CREB5: variants seen among roughly 807,000 people sequenced by gnomAD.
CREB5 encodes the protein cAMP responsive element binding protein 5.
Under a neutral mutation model 57.1 loss-of-function variants are expected in CREB5, and 19 were observed. The ratio of observed to expected loss-of-function variants is 0.33; its 90% CI spans 0.23 to 0.49. CREB5 has a LOEUF of 0.49. CREB5 is among the 20% of genes least tolerant of loss of function. The pLI, the probability that CREB5 is intolerant of heterozygous loss-of-function variation, is 0.99. For missense variants in CREB5, 579 were observed against 671.6 expected, an observed-to-expected ratio of 0.86 and a Z score of 1.52; for synonymous variants, 238 against 238.3, an observed-to-expected ratio of 1.00 and a Z score of 0.01.
chr7:28,500,896 A>ATCCCACCTTAATTAATTAAAG (rs1204648626), intron 3 of CREB5, among the ~76,000 whole-genome samples: 2 of 152,124 alleles, frequency 1.3e-5, no homozygotes, highest in Non-Finnish European at 2.9e-5. Context: ...AAAGGTATAT[A>ATCCCACCTTAATTAATTAAAG]GTAACTTCCC....
intron 1 of CREB5, among the ~76,000 whole-genome samples, chr7:28,427,865 A>G (rs2128014765): frequency 6.6e-6 from 1 of 152,340 alleles, no homozygotes; most frequent in Admixed American, 6.5e-5. Flanking sequence ...TGCATCACTA[A>G]AGGTGGATCT....
chr7:28,305,414 T>C (rs1046583650), intron 1 of CREB5, among the ~76,000 whole-genome samples: 1 of 152,186 alleles, frequency 6.6e-6, no homozygotes, highest in Non-Finnish European at 1.5e-5. Flanking sequence ...ACTGTTTCCT[T>C]CGACATCAGT....
intron 1 of CREB5, among the ~76,000 whole-genome samples, chr7:28,395,706 C>T (rs1203006442): frequency 6.6e-6 from 1 of 152,150 alleles, no homozygotes; most frequent in Non-Finnish European, 1.5e-5. Flanking sequence ...CCTTTTTACC[C>T]TGGTGGGGCC....
At chr7:28,453,919 CCAAA>C (rs1789961217) in intron 1 of CREB5, among the ~76,000 whole-genome samples, 1 of 149,248 alleles carries the variant, frequency 6.7e-6, no homozygotes, top group South Asian at 2.1e-4. Flanking sequence ...AGGCTCTGGT[CCAAA>C]CAAATTCCTA....
chr7:28,339,707 G>T (rs1036373813), intron 1 of CREB5, among the ~76,000 whole-genome samples: 3 of 152,190 alleles, frequency 2.0e-5, no homozygotes, highest in Non-Finnish European at 4.4e-5. Flanking sequence ...ACAGGCTTGT[G>T]TACTTCCCTT....
chr7:28,505,482 A>C (rs1218772426), intron 3 of CREB5, among the ~76,000 whole-genome samples: 1 of 152,166 alleles, frequency 6.6e-6, no homozygotes, highest in African/African-American at 2.4e-5. Context: ...CAACTTTAGA[A>C]ATTTTTTTGA....
chr7:28,807,428 G>A (rs780670292), intron 8 of CREB5, among the ~76,000 whole-genome samples: 1 of 152,186 alleles, frequency 6.6e-6, no homozygotes, highest in Admixed American at 6.5e-5. Context: ...CAGGCTGGGC[G>A]ACAGAGAGAG....
At chr7:28,374,892 A>G (rs895458186) in intron 1 of CREB5, among the ~76,000 whole-genome samples, 1 of 152,176 alleles carries the variant, frequency 6.6e-6, no homozygotes, top group South Asian at 2.1e-4. Context: ...GCACAATAAC[A>G]GAGAGCTCTT....
chr7:28,512,149 G>T (rs1191237188), intron 4 of CREB5, among the ~76,000 whole-genome samples: 5 of 152,184 alleles, frequency 3.3e-5, no homozygotes, highest in Admixed American at 3.3e-4. Flanking sequence ...TTTCTTTTTA[G>T]ATTTGCTAAG....
intron 7 of CREB5, among the ~76,000 whole-genome samples, chr7:28,786,368 T>G (rs1807326950): frequency 6.6e-6 from 1 of 152,150 alleles, no homozygotes; most frequent in African/African-American, 2.4e-5. Context: ...TGCCTCAGCC[T>G]CCCAAGTAGC....
intron 1 of CREB5, among the ~76,000 whole-genome samples, chr7:28,421,962 A>AT (rs1009444619): frequency 3.8e-4 from 1 of 2,646 alleles, no homozygotes; most frequent in Non-Finnish European, 2.5e-3. Context: ...GAGATCAACG[A>AT]AAAAGTCAGG....
At chr7:28,655,565 C>T (rs1339224609) in intron 5 of CREB5, among the ~76,000 whole-genome samples, 1 of 152,096 alleles carries the variant, frequency 6.6e-6, no homozygotes, top group African/African-American at 2.4e-5. Flanking sequence ...CTGTGAGCTG[C>T]GTTCATGCCA....
intron 1 of CREB5, among the ~76,000 whole-genome samples, chr7:28,400,348 A>T (rs1787432633): frequency 6.6e-6 from 1 of 152,244 alleles, no homozygotes; most frequent in Non-Finnish European, 1.5e-5. Flanking sequence ...AGGATTAAAC[A>T]TGATGGAAGA....
chr7:28,312,216 G>A (rs1054387771), intron 1 of CREB5, among the ~76,000 whole-genome samples: 1 of 150,958 alleles, frequency 6.6e-6, no homozygotes, highest in African/African-American at 2.4e-5. Flanking sequence ...TGGAATTTTA[G>A]CTAGCAGTGC....
chr7:28,736,626 C>A (rs1326636162), intron 7 of CREB5, among the ~76,000 whole-genome samples: 3 of 152,060 alleles, frequency 2.0e-5, no homozygotes, highest in Non-Finnish European at 2.9e-5. Context: ...AGGATTTGAA[C>A]CCAGCTCTGG....
intron 9 of CREB5, among the ~76,000 whole-genome samples, chr7:28,816,235 GA>G (rs1562661480): frequency 6.6e-6 from 1 of 152,146 alleles, no homozygotes; most frequent in African/African-American, 2.4e-5. Context: ...AAGGCCATCT[GA>G]ATTTAGATAG....
chr7:28,322,594 C>A (rs1237186739), intron 1 of CREB5, among the ~76,000 whole-genome samples: 1 of 151,858 alleles, frequency 6.6e-6, no homozygotes, highest in East Asian at 1.9e-4. Flanking sequence ...CCTCCCTCCC[C>A]CAGCCCCCCA....
At chr7:28,792,162 G>A (rs556592522) in intron 7 of CREB5, among the ~76,000 whole-genome samples, 7 of 152,136 alleles carry the variant, frequency 4.6e-5, no homozygotes, top group African/African-American at 1.7e-4. Flanking sequence ...AAAATTAGTT[G>A]GCATGGTTAC....
intron 1 of CREB5, among the ~76,000 whole-genome samples, chr7:28,437,818 G>A (rs972718574): frequency 3.3e-5 from 5 of 152,096 alleles, no homozygotes; most frequent in African/African-American, 9.7e-5. Context: ...GCAGTCACTT[G>A]AAGGATTAAC....
Sources: gnomAD v4.1 joint callset for allele counts (sites outside exome capture counted in the v4.1 genomes callset) on GRCh38, gnomAD v4.1.1 for gene constraint, MANE v1.5 for transcripts, NCBI Gene and HGNC (gene_info 2026-07-23, HGNC 2026-07-21) for gene names.